VTI1A: variants seen among roughly 807,000 people sequenced by gnomAD.
VTI1A encodes the protein vesicle transport through interaction with t-SNAREs 1A.
In VTI1A, 22 loss-of-function variants were observed where a neutral mutation model predicts 34.9. That is an observed-to-expected ratio of 0.63 (90% CI 0.45 to 0.90). The LOEUF (loss-of-function observed/expected upper bound fraction) is 0.90. Ranked by LOEUF, VTI1A falls within the 40% of genes least tolerant of loss-of-function variation. The pLI is 0.00. For synonymous variants in VTI1A, 87 were observed against 97.3 expected (o/e 0.89, Z 0.62); for missense variants, 268 against 275.6 (o/e 0.97, Z 0.20).
chr10:112,716,076 A>G (rs536695029), intron 7 of VTI1A, among the ~76,000 whole-genome samples: 35 of 152,288 alleles, frequency 2.3e-4, no homozygotes, highest in African/African-American at 7.5e-4. Context: ...GAACATAAGT[A>G]AGTATGGTCC....
chr10:112,701,554 A>G (rs749433838), intron 7 of VTI1A, among the ~76,000 whole-genome samples: 1 of 152,194 alleles, frequency 6.6e-6, no homozygotes, highest in Non-Finnish European at 1.5e-5. Context: ...TTGTATTTTA[A>G]TGTAGTATTT....
intron 7 of VTI1A, among the ~76,000 whole-genome samples, chr10:112,729,560 T>A (rs1256700807): frequency 6.6e-6 from 1 of 152,100 alleles, no homozygotes; most frequent in East Asian, 1.9e-4. Context: ...CTGTGTAGAA[T>A]CTTAGGAAGA....
At chr10:112,586,158 G>A (rs1308345332) in intron 5 of VTI1A, among the ~76,000 whole-genome samples, 1 of 147,152 alleles carries the variant, frequency 6.8e-6, no homozygotes, top group East Asian at 2.0e-4. Flanking sequence ...TAAATTATGT[G>A]TTCTTGTTTC....
chr10:112,792,443 C>CCGT (rs1852515254), intron 7 of VTI1A, among the ~76,000 whole-genome samples: 1 of 152,072 alleles, frequency 6.6e-6, no homozygotes. Context: ...CACCTGGGAC[C>CCGT]CGAGCCTGGC....
intron 5 of VTI1A, among the ~76,000 whole-genome samples, chr10:112,543,765 C>T (rs1460814753): frequency 6.6e-6 from 1 of 152,158 alleles, no homozygotes; most frequent in African/African-American, 2.4e-5. Context: ...ACGCCTATGT[C>T]CTGAATGGTA....
chr10:112,714,750 G>A (rs1289745033), intron 7 of VTI1A, among the ~76,000 whole-genome samples: 1 of 152,142 alleles, frequency 6.6e-6, no homozygotes, highest in African/African-American at 2.4e-5. Flanking sequence ...TCAGGAAAAT[G>A]GTATCTGGGT....
chr10:112,606,633 G>A (rs1212339970), intron 5 of VTI1A, among the ~76,000 whole-genome samples: 1 of 152,086 alleles, frequency 6.6e-6, no homozygotes, highest in Non-Finnish European at 1.5e-5. Context: ...GTTACTCCTA[G>A]TACTTTCTTC....
At chr10:112,771,335 T>C (rs11196101) in intron 7 of VTI1A, among the ~76,000 whole-genome samples, 23,759 of 152,228 alleles carry the variant, frequency 0.16, 3,432 homozygotes, top group African/African-American at 0.37. Context: ...TTCTCATCAC[T>C]AGTGTTCCTT....
At position 112,464,674 on chromosome 10, in the gene VTI1A, C is replaced by G. The variant is rs777369425; in HGVS notation, c.264+17C>G. 12 of 1,599,848 alleles carry G rather than the reference C, an allele frequency of 7.5e-6. No individual in the cohort carries two copies. The highest frequency in any genetic ancestry group is 9.4e-6 in the Non-Finnish European group (11 of 1,171,774). ...ACAGATTTTGTGAGTCAAATTCGACCCTTTGTCATATTTACTTTTTTTTAA... is the reference window on the plus strand; with the variant it reads ...ACAGATTTTGTGAGTCAAATTCGACGCTTTGTCATATTTACTTTTTTTTAA... On this transcript the variant is annotated intron_variant, in intron 3 of 7. Transcript: ENST00000393077.
chr10:112,474,139 G>A (rs1313201573), intron 3 of VTI1A, among the ~76,000 whole-genome samples: 2 of 151,908 alleles, frequency 1.3e-5, no homozygotes, highest in East Asian at 3.9e-4. Flanking sequence ...TCAGCTCACT[G>A]CAAGCTCCGC....
chr10:112,574,517 C>T (rs1360903868), intron 5 of VTI1A, among the ~76,000 whole-genome samples: 2 of 152,206 alleles, frequency 1.3e-5, no homozygotes, highest in African/African-American at 4.8e-5. Flanking sequence ...TCAAATAGAC[C>T]TGGATTTAAA....
chr10:112,790,877 A>G (rs1183360459), intron 7 of VTI1A, among the ~76,000 whole-genome samples: 1 of 151,844 alleles, frequency 6.6e-6, no homozygotes, highest in Admixed American at 6.6e-5. Flanking sequence ...GGTCTGTAGA[A>G]TGTGTTTGTA....
At chr10:112,686,794 C>T (rs989971048) in intron 7 of VTI1A, among the ~76,000 whole-genome samples, 1 of 152,120 alleles carries the variant, frequency 6.6e-6, no homozygotes, top group Non-Finnish European at 1.5e-5. Context: ...TCTTTTCACA[C>T]GTTATTTCCT....
rs1294957875 is a variant in VTI1A, at chr10:112,767,964, C to G, written c.561-47326C>G. 6.6e-6 allele frequency among the ~76,000 whole-genome samples: 1 copy of G among 152,132 alleles called. No individual in the cohort carries two copies. Among genetic ancestry groups the G allele is most frequent in the Non-Finnish European group, 1.5e-5 (1 of 68,026 alleles). The stretch of plus-strand genomic sequence containing the variant: ...CAGAAGCCGGACACGTATTACTTCC[C>G]CCTTGGATCCTCATGCCTTTCCTGG... On this transcript the variant is annotated intron_variant, in intron 7 of 7. Transcript: ENST00000393077. The surrounding 1 kb of genome is among the most constrained non-coding windows in gnomAD (Gnocchi z 4.0).
intron 5 of VTI1A, among the ~76,000 whole-genome samples, chr10:112,563,991 T>C (rs1328398008): frequency 2.6e-5 from 4 of 152,180 alleles, no homozygotes; most frequent in African/African-American, 9.6e-5. Flanking sequence ...TTTTAAACAT[T>C]AGACATCATA....
chr10:112,588,864 A>G (rs961986137), intron 5 of VTI1A, among the ~76,000 whole-genome samples: 2 of 152,122 alleles, frequency 1.3e-5, no homozygotes, highest in African/African-American at 2.4e-5. Context: ...CCTTTACTTC[A>G]GGCTTTGTCT....
chr10:112,834,944 A>G, the VTI1A span, among the ~76,000 whole-genome samples: 1 of 152,230 alleles, frequency 6.6e-6, no homozygotes, highest in African/African-American at 2.4e-5. Context: ...GCCACTTGAG[A>G]GAGCCCTTCT....
rs1317699712 is a variant in VTI1A at position 112,545,921 on chromosome 10, G to A, written c.427+7591G>A. Among the ~76,000 whole-genome samples, 15 of 151,716 alleles carry A rather than the reference G, an allele frequency of 9.9e-5. No individual in the cohort carries two copies. The East Asian group carries it at 2.9e-3, about 30-fold the overall frequency. On this transcript the variant is annotated intron_variant, in intron 5 of 7. Transcript: ENST00000393077. ...AAATTTGACCAGGGTGTGTGTGTGT[G>A]CATGTGTTTGTGTATTTTGCATGTA...
chr10:112,831,218 C>T, the VTI1A span: 1 of 152,266 alleles, frequency 6.6e-6, no homozygotes, highest in South Asian at 2.1e-4. Flanking sequence ...TTATTTCAGA[C>T]AACCTGCTCA....
Sources: allele counts gnomAD v4.1 joint callset (sites outside exome capture counted in the v4.1 genomes callset), GRCh38; gene constraint gnomAD v4.1.1; non-coding constraint Gnocchi (gnomAD v3.1); transcripts MANE v1.5; gene names NCBI Gene and HGNC (gene_info 2026-07-23, HGNC 2026-07-21).